Variants in PACRG observed in about 807,000 individuals in gnomAD.
PACRG encodes the protein parkin coregulated, also known as parkin coregulated gene protein.
A neutral mutation model predicts 29.7 loss-of-function variants in PACRG; 29 were observed. The ratio of observed to expected loss-of-function variants is 0.98; its 90% CI spans 0.73 to 1.33. The LOEUF (loss-of-function observed/expected upper bound fraction) is 1.33, where lower values mean the gene tolerates loss of function less well. Among genes scored for constraint, PACRG ranks in the 40% most tolerant of loss-of-function variants. The probability of loss-of-function intolerance (pLI) is 0.00; values close to 1 mark genes in which losing one functional copy is unlikely to be tolerated. For missense variants in PACRG, 279 were observed against 316.2 expected (o/e 0.88, Z 0.89); for synonymous variants, 116 against 118.7 (o/e 0.98, Z 0.15).
At chr6:162,750,529 A>G (rs1308060926) in intron 1 of PACRG, among the ~76,000 whole-genome samples, 1 of 152,220 alleles carries the variant, frequency 6.6e-6, no homozygotes, top group Non-Finnish European at 1.5e-5. Flanking sequence ...TAGACTAGGC[A>G]TTTGTAATTA....
At chr6:163,067,622 A>T (rs944608859) in intron 3 of PACRG, among the ~76,000 whole-genome samples, 1 of 152,230 alleles carries the variant, frequency 6.6e-6, no homozygotes, top group Non-Finnish European at 1.5e-5. Context: ...GGACAAAAGG[A>T]AAACCAAATA....
intron 2 of PACRG, among the ~76,000 whole-genome samples, chr6:162,996,952 GA>G (rs2128192584): frequency 6.6e-6 from 1 of 152,212 alleles, no homozygotes; most frequent in Non-Finnish European, 1.5e-5. Context: ...AAACTCCAGG[GA>G]GACATTATGT....
intron 1 of PACRG, among the ~76,000 whole-genome samples, chr6:162,732,489 C>G (rs1250566301): frequency 2.0e-5 from 3 of 152,118 alleles, no homozygotes; most frequent in Non-Finnish European, 4.4e-5. Context: ...CTGTGTCCGG[C>G]TCAAACTCAC....
intron 2 of PACRG, among the ~76,000 whole-genome samples, chr6:162,847,384 T>G (rs1001533252): frequency 1.3e-5 from 2 of 152,150 alleles, no homozygotes; most frequent in African/African-American, 4.8e-5. Flanking sequence ...AGGCCCACAT[T>G]TCTCATCTTT....
intron 4 of PACRG, among the ~76,000 whole-genome samples, chr6:163,108,644 C>T (rs946892436): frequency 1.3e-5 from 2 of 152,074 alleles, no homozygotes; most frequent in African/African-American, 2.4e-5. Context: ...CCACCTCAAC[C>T]TCTCAAAGTG....
At chr6:163,314,794 T>C in intron 4 of PACRG, 33 bp from the exon 5 acceptor site, 1 of 1,606,854 alleles carries the variant, frequency 6.2e-7, no homozygotes, top group Non-Finnish European at 8.5e-7. Flanking sequence ...TGCAGAGAAG[T>C]AACTGGCCTC....
chr6:162,955,878 T>G (rs1799983204), intron 2 of PACRG, among the ~76,000 whole-genome samples: 1 of 152,100 alleles, frequency 6.6e-6, no homozygotes. Flanking sequence ...TGGACTTCTT[T>G]CTCCGGGGCT....
At chr6:163,266,378 A>C (rs1783528244) in intron 4 of PACRG, among the ~76,000 whole-genome samples, 1 of 152,178 alleles carries the variant, frequency 6.6e-6, no homozygotes, top group Non-Finnish European at 1.5e-5. Context: ...TTTTGAGTCC[A>C]TTTAGGATTT....
At chr6:162,947,321 A>ATG (rs1562765406) in intron 2 of PACRG, among the ~76,000 whole-genome samples, 1 of 49,968 alleles carries the variant, frequency 2.0e-5, no homozygotes, top group African/African-American at 5.6e-5. Context: ...AATCATATAT[A>ATG]ATACATATAA....
intron 2 of PACRG, among the ~76,000 whole-genome samples, chr6:162,961,003 G>C (rs963485685): frequency 1.3e-5 from 2 of 152,132 alleles, no homozygotes. Flanking sequence ...CAAATATTGT[G>C]GCCATGAGAG....
intron 4 of PACRG, among the ~76,000 whole-genome samples, chr6:163,288,975 C>T (rs1272644955): frequency 6.6e-6 from 1 of 152,148 alleles, no homozygotes; most frequent in Non-Finnish European, 1.5e-5. Context: ...GAAGGTCGTG[C>T]CCAGCAAAGG....
intron 2 of PACRG, among the ~76,000 whole-genome samples, chr6:162,992,522 T>C (rs1256744958): frequency 6.8e-6 from 1 of 145,994 alleles, no homozygotes; most frequent in African/African-American, 2.5e-5. Flanking sequence ...TCTAGTTTAT[T>C]TGCATAGAGG....
chr6:163,117,046 T>C (rs926314651), intron 4 of PACRG, among the ~76,000 whole-genome samples: 3 of 152,146 alleles, frequency 2.0e-5, no homozygotes, highest in African/African-American at 7.2e-5. Flanking sequence ...ATCCAAAAGC[T>C]GGGTGAGCAT....
intron 2 of PACRG, among the ~76,000 whole-genome samples, chr6:162,964,590 G>A (rs1437116643): frequency 6.6e-6 from 1 of 152,166 alleles, no homozygotes; most frequent in Non-Finnish European, 1.5e-5. Flanking sequence ...CTCCAGACAA[G>A]TTAACTGCAC....
intron 1 of PACRG, among the ~76,000 whole-genome samples, chr6:162,799,803 T>C (rs1432100133): frequency 6.6e-6 from 1 of 152,192 alleles, no homozygotes. Flanking sequence ...TGAATGGTAA[T>C]AGTCTCTTAA....
At chr6:163,299,646 C>T (rs1005147380) in intron 4 of PACRG, among the ~76,000 whole-genome samples, 1 of 152,118 alleles carries the variant, frequency 6.6e-6, no homozygotes, top group Non-Finnish European at 1.5e-5. Context: ...TTTGGGAAGC[C>T]GAGGTGGGTG....
chr6:163,179,335 G>A (rs1439163619), intron 4 of PACRG: 11 of 437,388 alleles, frequency 2.5e-5, no homozygotes, highest in African/African-American at 4.0e-5. Context: ...CTCCCAAGAC[G>A]AGGCACAGAA....
chr6:163,205,389 A>G (rs1217490477), intron 4 of PACRG, among the ~76,000 whole-genome samples: 1 of 152,210 alleles, frequency 6.6e-6, no homozygotes, highest in Non-Finnish European at 1.5e-5. Context: ...GGAACAGAAT[A>G]GACAGCCCAG....
chr6:162,759,020 A>G (rs560339782), intron 1 of PACRG, among the ~76,000 whole-genome samples: 28 of 152,336 alleles, frequency 1.8e-4, no homozygotes, highest in African/African-American at 5.5e-4. Context: ...GTTTCTAGCC[A>G]TTGAAGAAAA....
Sources: gnomAD v4.1 joint callset for allele counts (sites outside exome capture counted in the v4.1 genomes callset) on GRCh38, gnomAD v4.1.1 for gene constraint, MANE v1.5 for transcripts, NCBI Gene and HGNC (gene_info 2026-07-23, HGNC 2026-07-21) for gene names.